ITIH6: variants seen among roughly 807,000 people sequenced by gnomAD.
ITIH6 encodes inter-alpha-trypsin inhibitor heavy chain family member 6.
In ITIH6, 60 loss-of-function variants were observed where a neutral mutation model predicts 58.2. The observed-to-expected ratio is 1.03, with a 90% CI of 0.84 to 1.28. ITIH6 has a LOEUF of 1.28. Ranked by LOEUF, ITIH6 falls within the 50% of genes most tolerant of loss-of-function variation. The probability of loss-of-function intolerance (pLI) is 0.00; values close to 1 mark genes in which losing one functional copy is unlikely to be tolerated. For synonymous variants in ITIH6, 493 were observed against 417.4 expected (o/e 1.18, Z -2.21); for missense variants, 1,290 against 1,021.1 (o/e 1.26, Z -3.59).
At position 54,758,287 on chromosome X, in the gene ITIH6, G is replaced by A. The variant is rs780178631; in HGVS notation, c.1787C>T (p.Ser596Phe). The A allele has an allele frequency of 1.1e-5, 13 of 1,209,979 alleles. No homozygotes were observed. Among genetic ancestry groups the A allele is most frequent in the African/African-American group, 5.2e-5 (3 of 57,299 alleles). ...HLLAAKVLNL[S>F]LEYNFVTPLT... ...AGGTGTGACAAAGTTGTATTCAAGGGACAGGTTGAGGACTTTGGCAGCCAG... is the reference window on the plus strand; with the variant it reads ...AGGTGTGACAAAGTTGTATTCAAGGAACAGGTTGAGGACTTTGGCAGCCAG... The change falls in exon 8 of 13, where the codon TCC becomes TTC. Residue 596 changes from serine (S) to phenylalanine (F), a missense_variant. Coordinates refer to ENST00000218436, the MANE Select transcript of ITIH6 (RefSeq NM_198510.3).
At chrX:54,753,142 C>T (rs895711485) in intron 11 of ITIH6, among the ~76,000 whole-genome samples, 3 of 112,783 alleles carry the variant, frequency 2.7e-5, no homozygotes, top group African/African-American at 9.7e-5. Flanking sequence ...AGGCATTGAC[C>T]TTACGGTCCT....
Position 54,759,894 on chromosome X carries a change from G to A in ITIH6, c.937C>T (p.Leu313Phe). The A allele has an allele frequency of 3.3e-6, 4 of 1,209,525 alleles. No homozygotes were observed. The highest frequency in any genetic ancestry group is 1.8e-5 in the South Asian group (1 of 56,664). Residue 313 changes from leucine (L) to phenylalanine (F), a missense_variant, in exon 7 of 13, where the codon CTT (leucine) becomes TTT (phenylalanine). By Grantham distance (22) the Leu-to-Phe change is conservative (BLOSUM62 0). Transcript: ENST00000218436. The part of the protein sequence containing the change: ...KTAMNVILSD[L>F]QANDYFNIIS... ...ATGTTGAAGTAGTCATTGGCTTGAAGGTCACTGAGGATCACATTCATGGCC... is the reference window on the plus strand; with the variant it reads ...ATGTTGAAGTAGTCATTGGCTTGAAAGTCACTGAGGATCACATTCATGGCC...
At position 54,788,349 on chromosome X, in the gene ITIH6, G is replaced by A. The variant is rs370258013; in HGVS notation, c.786+131C>T. ...AAGTTGAAGCCGTGTGTCTTTTCAC[G>A]TCAGCCTATCCTTGTTCCCTAGCCC... On this transcript the variant is annotated intron_variant, in intron 5 of 12. Transcript: ENST00000218436. 1.2e-3 allele frequency: 635 copies of A among 524,804 alleles called. 5 individuals carry two copies. In the South Asian group the frequency reaches 0.021, roughly 18 times the overall value. The allele number at this position is 524,804 out of a possible 1,213,427, so 43.2% of individuals were successfully genotyped here.
At chrX:54,750,906 T>C (rs1014707549) in intron 12 of ITIH6, 97 bp downstream of exon 12, 1 of 906,221 alleles carries the variant, frequency 1.1e-6, no homozygotes, top group African/African-American at 2.0e-5. Flanking sequence ...TGTTGCTGAT[T>C]CCTCTTCCTT....
intron 6 of ITIH6, among the ~76,000 whole-genome samples, chrX:54,773,814 G>T (rs1928999872): frequency 9.0e-6 from 1 of 110,745 alleles, no homozygotes; most frequent in Admixed American, 9.6e-5. Flanking sequence ...TAGCTTGAGG[G>T]TCCTATATGA....
At position 54,758,677 on chromosome X, in the gene ITIH6, T is replaced by C. The variant is rs1402654881; in HGVS notation, c.1397A>G (p.Tyr466Cys). The C allele has an allele frequency of 8.3e-6, 10 of 1,209,804 alleles. No individual in the cohort carries two copies. The highest frequency in any genetic ancestry group is 1.1e-5 in the Non-Finnish European group (10 of 895,080). Residue 466 changes from tyrosine (Y) to cysteine (C), a missense_variant, in exon 8 of 13, where the codon TAT (tyrosine) becomes TGT (cysteine). Physicochemically the swap from Tyr to Cys is radical, Grantham distance 194. Transcript: ENST00000218436. ...TDAALQLKGL[Y>C]EEISMPLLAD... ...CAGCAGAGGCATGGAGATCTCCTCATAGAGGCCCTTCAGCTGTAGGGCCGC... is the reference window on the plus strand; with the variant it reads ...CAGCAGAGGCATGGAGATCTCCTCACAGAGGCCCTTCAGCTGTAGGGCCGC...
Position 54,788,478 on chromosome X carries a change from A to T in ITIH6, c.786+2T>A, listed in dbSNP as rs1231068739. Reference sequence around the variant, plus strand: ...TCTCTCCTCTTCCCCAGGCCCCCTCACCTGCACGTCTCCAATGATGTCCTC... The same window carrying T: ...TCTCTCCTCTTCCCCAGGCCCCCTCTCCTGCACGTCTCCAATGATGTCCTC... On this transcript the variant is annotated splice_donor_variant, in intron 5 of 12. Transcript: ENST00000218436. LOFTEE classifies it high-confidence loss of function. 1 of 1,208,730 alleles carries T rather than the reference A, an allele frequency of 8.3e-7. No homozygotes were observed. Among genetic ancestry groups the T allele is most frequent in the Non-Finnish European group, 1.1e-6 (1 of 893,428 alleles).
chrX:54,776,792 T>C (rs1391559134), intron 5 of ITIH6, among the ~76,000 whole-genome samples: 1 of 111,637 alleles, frequency 9.0e-6, no homozygotes, highest in Admixed American at 9.5e-5. Flanking sequence ...TAACCAGCAA[T>C]AATGCCCAGG....
chrX:54,776,431 G>T (rs756598164), intron 5 of ITIH6, among the ~76,000 whole-genome samples: 2 of 109,971 alleles, frequency 1.8e-5, no homozygotes, highest in Non-Finnish European at 3.8e-5. Flanking sequence ...GTGGACTTAG[G>T]GGGCACACAA....
intron 5 of ITIH6, among the ~76,000 whole-genome samples, chrX:54,786,334 C>T (rs776727992): frequency 9.8e-5 from 11 of 111,771 alleles, no homozygotes; most frequent in South Asian, 7.6e-4. Flanking sequence ...TCTTCTACTG[C>T]GACCTCTCCC....
rs1343320793 is a variant in ITIH6 at position 54,757,393 on chromosome X, C to T, written c.2681G>A (p.Arg894Lys). The T allele has an allele frequency of 8.3e-7, 1 of 1,209,903 alleles. No individual in the cohort carries two copies. Among genetic ancestry groups the T allele is most frequent in the Non-Finnish European group, 1.1e-6 (1 of 894,785 alleles). Residue 894 changes from arginine to lysine, a missense_variant, in exon 8 of 13, where the codon AGG becomes AAG. Arg to Lys is a conservative substitution (Grantham distance 26). Transcript: ENST00000218436. ...TPLPPRPDRP[R>K]PPLPESLSTF... The stretch of plus-strand genomic sequence containing the variant: ...GCTTAGGCTCTCAGGAAGTGGGGGC[C>T]TTGGTCTGTCAGGTCTAGGAGGTAG...
intron 6 of ITIH6, among the ~76,000 whole-genome samples, chrX:54,767,145 C>T (rs1928809645): frequency 9.2e-6 from 1 of 108,830 alleles, no homozygotes; most frequent in Non-Finnish European, 1.9e-5. Context: ...GGAATGTATC[C>T]ATTTCTTCTA....
At chrX:54,783,657 G>A (rs1332199075) in intron 5 of ITIH6, among the ~76,000 whole-genome samples, 1 of 111,708 alleles carries the variant, frequency 9.0e-6, no homozygotes, top group Non-Finnish European at 1.9e-5. Context: ...ATAATGAAAA[G>A]TATAAAACAC....
At position 54,749,829 on chromosome X, in the gene ITIH6, T is replaced by C; in HGVS notation, c.*66A>G. The C allele has an allele frequency of 1.0e-6, 1 of 975,869 alleles. No individual in the cohort carries two copies. Among genetic ancestry groups the C allele is most frequent in the Non-Finnish European group, 1.4e-6 (1 of 706,069 alleles). 80.4% of individuals were successfully genotyped at this position (975,869 alleles called of 1,213,427 possible). ...ATGTCCTTGGGTCTCTGTCCCTGGC[T>C]CACCCCATGCCCTGGTTTCTGGATC... On this transcript the variant is annotated 3_prime_UTR_variant, in exon 13 of 13. Coordinates refer to ENST00000218436, the MANE Select transcript of ITIH6 (RefSeq NM_198510.3).
intron 5 of ITIH6, among the ~76,000 whole-genome samples, chrX:54,780,857 T>C (rs187352426): frequency 9.0e-6 from 1 of 110,752 alleles, no homozygotes; most frequent in East Asian, 2.8e-4. Context: ...ATTCAAAGGA[T>C]CATTAATGCC....
intron 5 of ITIH6, among the ~76,000 whole-genome samples, chrX:54,785,452 C>T (rs1260071519): frequency 3.6e-5 from 4 of 111,118 alleles, no homozygotes; most frequent in Non-Finnish European, 7.5e-5. Context: ...CATGCCTGTA[C>T]CAAAACATCT....
chrX:54,757,712 C>T lies in ITIH6; in HGVS notation c.2362G>A (p.Ala788Thr). ...CVTPLHSKPG[A>T]PSHPQLGALT... Reference sequence around the variant, plus strand: ...GCCCCAAGTTGGGGGTGCGATGGAGCACCAGGTTTGGAATGCAGTGGAGTA... The same window carrying T: ...GCCCCAAGTTGGGGGTGCGATGGAGTACCAGGTTTGGAATGCAGTGGAGTA... The change falls in exon 8 of 13, where the codon GCT becomes ACT. Residue 788 changes from alanine (A) to threonine (T), a missense_variant. Coordinates refer to ENST00000218436, the MANE Select transcript of ITIH6 (RefSeq NM_198510.3). 8.3e-7 allele frequency: 1 copy of T among 1,211,494 alleles called. No individual in the cohort carries two copies. The highest frequency in any genetic ancestry group is 1.1e-6 in the Non-Finnish European group (1 of 895,457).
chrX:54,773,606 G>C (rs2147612780), intron 6 of ITIH6, among the ~76,000 whole-genome samples: 1 of 110,397 alleles, frequency 9.1e-6, no homozygotes, highest in South Asian at 3.9e-4. Context: ...AGTGGTAGAA[G>C]TGCAACAAGA....
At position 54,751,290 on chromosome X, in the gene ITIH6, G is replaced by A; in HGVS notation, c.3443C>T (p.Thr1148Ile). The A allele has an allele frequency of 8.3e-7, 1 of 1,212,030 alleles. No individual in the cohort carries two copies. Among genetic ancestry groups the A allele is most frequent in the Non-Finnish European group, 1.1e-6 (1 of 895,492 alleles). ...TRTYFQIITVTTDKPRAYTIT... is the reference protein window; with the variant it reads ...TRTYFQIITVITDKPRAYTIT... ...AGTATAGGCCCGGGGTTTGTCTGTA[G>A]TGACTGTGATGATCTGGAAGTAGGT... The change falls in exon 12 of 13, where the codon ACT becomes ATT. Residue 1148 changes from threonine (T) to isoleucine (I), a missense_variant. Transcript: ENST00000218436.
Sources: allele counts gnomAD v4.1 joint callset (sites outside exome capture counted in the v4.1 genomes callset), GRCh38; gene constraint gnomAD v4.1.1; transcripts MANE v1.5; gene names NCBI Gene and HGNC (gene_info 2026-07-23, HGNC 2026-07-21).